The following CDS1 variants were observed in gnomAD, a reference collection of about 807,000 sequenced individuals.
CDS1 encodes phosphatidate cytidylyltransferase 1.
Under a neutral mutation model 62.1 loss-of-function variants are expected in CDS1, and 41 were observed. That is an observed-to-expected ratio of 0.66 (90% CI 0.51 to 0.86). The LOEUF (loss-of-function observed/expected upper bound fraction) is 0.86. Ranked by LOEUF, CDS1 falls within the 40% of genes least tolerant of loss-of-function variation. CDS1 has a pLI of 0.00. For synonymous variants in CDS1, 185 were observed against 192.6 expected, an observed-to-expected ratio of 0.96 and a Z score of 0.32; for missense variants, 470 against 550.1, an observed-to-expected ratio of 0.85 and a Z score of 1.46.
chr4:84,610,181 G>A (rs191278130), intron 3 of CDS1, among the ~76,000 whole-genome samples: 1 of 152,192 alleles, frequency 6.6e-6, no homozygotes. Context: ...CATGTTAGGA[G>A]TGCATGGTAG....
Position 84,591,788 on chromosome 4 carries a change from A to G in CDS1, c.117+8270A>G, listed in dbSNP as rs557258399. Among the ~76,000 whole-genome samples the G allele has an allele frequency of 2.6e-5, 4 of 152,306 alleles. No individual in the cohort carries two copies. In the South Asian group the frequency reaches 8.3e-4, roughly 32 times the overall value. Reference sequence around the variant, plus strand: ...TCTAATTAAAAAATGTAAAGGAGAAATCAGATGTGTGGTCCTAAATGTATA... The same window carrying G: ...TCTAATTAAAAAATGTAAAGGAGAAGTCAGATGTGTGGTCCTAAATGTATA... On this transcript the variant is annotated intron_variant, in intron 1 of 12. Transcript: ENST00000295887.
At chr4:84,637,937 G>C (rs1051344122) in intron 8 of CDS1, among the ~76,000 whole-genome samples, 1 of 152,168 alleles carries the variant, frequency 6.6e-6, no homozygotes, top group Admixed American at 6.5e-5. Context: ...ATTGTTATCA[G>C]ATTTGTCAAG....
At chr4:84,619,665 T>A in intron 5 of CDS1, 132 bp downstream of exon 5, 1 of 523,914 alleles carries the variant, frequency 1.9e-6, no homozygotes, top group Non-Finnish European at 3.2e-6. Context: ...GTTTCTTGTG[T>A]ATAAAGCTAT....
At chr4:84,596,374 A>G (rs1003526181) in intron 1 of CDS1, among the ~76,000 whole-genome samples, 2 of 152,214 alleles carry the variant, frequency 1.3e-5, no homozygotes, top group African/African-American at 4.8e-5. Flanking sequence ...CGGTAGGACC[A>G]TGTTCCTTCT....
intron 1 of CDS1, among the ~76,000 whole-genome samples, chr4:84,594,348 G>T (rs73831535): frequency 0.027 from 4,178 of 152,198 alleles, 192 homozygotes; most frequent in African/African-American, 0.096. Flanking sequence ...GTGAATAAAG[G>T]CTGTCTTGTT....
rs556580608 is a variant in CDS1, at chr4:84,644,734, A to C, written c.1153-488A>C. Reference sequence around the variant, plus strand: ...TGGGCTCACTGTAATTTTATTTTTTACTCTAACACTTAAAAAAAGAAGAAG... The same window carrying C: ...TGGGCTCACTGTAATTTTATTTTTTCCTCTAACACTTAAAAAAAGAAGAAG... On this transcript the variant is annotated intron_variant, in intron 11 of 12. Coordinates refer to ENST00000295887, the MANE Select transcript of CDS1 (RefSeq NM_001263.4). 5.9e-5 allele frequency among the ~76,000 whole-genome samples: 9 copies of C among 152,138 alleles called. No individual in the cohort carries two copies. The South Asian group carries it at 1.9e-3, about 32-fold the overall frequency.
rs72236126 is a variant in CDS1 at position 84,592,154 on chromosome 4, A to ATTTTTT, written c.117+8658_117+8663dup. Among the ~76,000 whole-genome samples, 61 of 86,060 alleles carry ATTTTTT rather than the reference A, an allele frequency of 7.1e-4. 9 individuals carry two copies. Among genetic ancestry groups the ATTTTTT allele is most frequent in the African/African-American group, 1.5e-3 (31 of 20,880 alleles). 56.5% of individuals were successfully genotyped at this position (86,060 alleles called of 152,430 possible). A position where few individuals can be genotyped will look rare whatever the true frequency, so the allele number is the denominator to read the frequency against. On this transcript the variant is annotated intron_variant, in intron 1 of 12. Coordinates refer to ENST00000295887, the MANE Select transcript of CDS1 (RefSeq NM_001263.4). ...GAGGAAGTAATTTCATTAATGACCA[A>ATTTTTT]TTTTTTTTTTTTTTTTTTTTTTTTT...
intron 5 of CDS1, among the ~76,000 whole-genome samples, chr4:84,620,445 A>T (rs1399969236): frequency 6.6e-6 from 1 of 151,544 alleles, no homozygotes; most frequent in Non-Finnish European, 1.5e-5. Flanking sequence ...GATGGTCTCA[A>T]TCTCCTGACC....
At chr4:84,620,348 G>A (rs1464988162) in intron 5 of CDS1, among the ~76,000 whole-genome samples, 5 of 143,724 alleles carry the variant, frequency 3.5e-5, no homozygotes, top group African/African-American at 1.3e-4. Flanking sequence ...TCAGCCTCCC[G>A]AGTAGCTGGG....
At chr4:84,631,212 T>C (rs1472715964) in intron 5 of CDS1, among the ~76,000 whole-genome samples, 1 of 152,216 alleles carries the variant, frequency 6.6e-6, no homozygotes, top group Non-Finnish European at 1.5e-5. Context: ...AGGATTTTAG[T>C]GTTTATTTTC....
chr4:84,583,900 G>A (rs1024610520), intron 1 of CDS1, among the ~76,000 whole-genome samples: 22 of 152,248 alleles, frequency 1.4e-4, no homozygotes, highest in African/African-American at 5.3e-4. Context: ...TTCAGTAGAG[G>A]GAACAAAGTT....
intron 5 of CDS1, among the ~76,000 whole-genome samples, chr4:84,623,509 A>G (rs187548538): frequency 1.2e-3 from 188 of 152,202 alleles, no homozygotes; most frequent in Middle Eastern, 6.8e-3. Flanking sequence ...ACAGTTTTCT[A>G]TCTGTTTTCT....
chr4:84,632,481 A>G (rs1578047361), intron 6 of CDS1, among the ~76,000 whole-genome samples: 1 of 152,282 alleles, frequency 6.6e-6, no homozygotes, highest in South Asian at 2.1e-4. Context: ...AGTGAGGCTT[A>G]TTTTGGACTT....
chr4:84,608,266 C>T (rs538315745), intron 2 of CDS1, among the ~76,000 whole-genome samples: 13 of 152,294 alleles, frequency 8.5e-5, no homozygotes, highest in African/African-American at 2.2e-4. Flanking sequence ...CTCCGCCTCC[C>T]GGGTTCACGC....
intron 1 of CDS1, among the ~76,000 whole-genome samples, chr4:84,597,972 A>G (rs1722802924): frequency 6.6e-6 from 1 of 151,904 alleles, no homozygotes; most frequent in Non-Finnish European, 1.5e-5. Flanking sequence ...TAAAAATACA[A>G]AAAATTAGCC....
chr4:84,601,804 A>G (rs1397876769), intron 1 of CDS1, among the ~76,000 whole-genome samples: 2 of 151,956 alleles, frequency 1.3e-5, no homozygotes, highest in East Asian at 3.9e-4. Flanking sequence ...TCCCAGCAAC[A>G]CGGGAGGCTG....
intron 5 of CDS1, among the ~76,000 whole-genome samples, chr4:84,626,931 T>G (rs868117085): frequency 6.6e-6 from 1 of 152,210 alleles, no homozygotes; most frequent in African/African-American, 2.4e-5. Flanking sequence ...GTGGCTACTC[T>G]TGAAGTGCTT....
chr4:84,631,929 CT>C (rs149864119), intron 6 of CDS1, 52 bp downstream of exon 6: 450 of 1,209,252 alleles, frequency 3.7e-4, no homozygotes, highest in Middle Eastern at 7.5e-4. Context: ...AAACCCTTAA[CT>C]TTTTTTTTTC....
At chr4:84,600,228 G>A (rs1004273139) in intron 1 of CDS1, among the ~76,000 whole-genome samples, 22 of 151,994 alleles carry the variant, frequency 1.4e-4, no homozygotes, top group Admixed American at 7.9e-4. Context: ...TTTCCTTGTC[G>A]AATTTTGAGA....
Sources: gnomAD v4.1 joint callset for allele counts (sites outside exome capture counted in the v4.1 genomes callset) on GRCh38, gnomAD v4.1.1 for gene constraint, MANE v1.5 for transcripts, NCBI Gene and HGNC (gene_info 2026-07-23, HGNC 2026-07-21) for gene names.